ANO3: variants seen among roughly 807,000 people sequenced by gnomAD.
The protein encoded by ANO3 is anoctamin-3.
A neutral mutation model predicts 144.8 loss-of-function variants in ANO3; 99 were observed. The ratio of observed to expected loss-of-function variants is 0.68; its 90% CI spans 0.58 to 0.81. ANO3 has a LOEUF of 0.81. Ranked by LOEUF, ANO3 falls within the 30% of genes least tolerant of loss-of-function variation. ANO3 has a pLI of 0.00. For synonymous variants in ANO3, 414 were observed against 392.6 expected, an observed-to-expected ratio of 1.05 and a Z score of -0.64; for missense variants, 905 against 1,202.2, an observed-to-expected ratio of 0.75 and a Z score of 3.66.
intron 1 of ANO3, among the ~76,000 whole-genome samples, chr11:26,264,271 T>G (rs1365204851): frequency 1.3e-5 from 2 of 152,150 alleles, no homozygotes; most frequent in Non-Finnish European, 2.9e-5. Flanking sequence ...ATTAAATGAG[T>G]CAAATGACTA....
At chr11:26,397,472 G>T (rs569818807) in intron 1 of ANO3, among the ~76,000 whole-genome samples, 35 of 152,014 alleles carry the variant, frequency 2.3e-4, no homozygotes, top group Non-Finnish European at 4.6e-4. Flanking sequence ...AAAGTTGTTT[G>T]TTTCATAAAA....
At chr11:26,533,839 CATAG>C (rs1468502668) in intron 8 of ANO3, among the ~76,000 whole-genome samples, 3 of 152,204 alleles carry the variant, frequency 2.0e-5, no homozygotes, top group Non-Finnish European at 2.9e-5. Context: ...TTATCACTCA[CATAG>C]ATAGAGTAAC....
intron 18 of ANO3, among the ~76,000 whole-genome samples, chr11:26,627,518 T>C (rs1352622450): frequency 6.6e-6 from 1 of 152,066 alleles, no homozygotes; most frequent in Non-Finnish European, 1.5e-5. Flanking sequence ...TTTTCTTCAG[T>C]TGGGTAATGA....
intron 1 of ANO3, among the ~76,000 whole-genome samples, chr11:26,310,225 T>A (rs1854474882): frequency 6.6e-6 from 1 of 152,172 alleles, no homozygotes; most frequent in Non-Finnish European, 1.5e-5. Flanking sequence ...AACCAACCTA[T>A]AATAGATGAA....
chr11:26,299,177 G>T (rs1854160738), intron 1 of ANO3, among the ~76,000 whole-genome samples: 1 of 152,180 alleles, frequency 6.6e-6, no homozygotes, highest in African/African-American at 2.4e-5. Context: ...GAATGACAAA[G>T]GAGGCTGAAA....
At chr11:26,469,908 G>GAATC (rs10641936) in intron 4 of ANO3, among the ~76,000 whole-genome samples, 43 of 151,670 alleles carry the variant, frequency 2.8e-4, no homozygotes, top group African/African-American at 1.0e-3. Context: ...AATGTTTTTT[G>GAATC]AAATTAGAAA....
At chr11:26,508,059 T>C (rs764041704) in intron 4 of ANO3, 45 bp from the exon 5 acceptor site, 1 of 1,535,060 alleles carries the variant, frequency 6.5e-7, no homozygotes, top group Non-Finnish European at 8.7e-7. Flanking sequence ...AAAACATACA[T>C]GCTTGTCTAA....
At chr11:26,441,459 C>A (rs1470271780) in intron 1 of ANO3, among the ~76,000 whole-genome samples, 1 of 152,070 alleles carries the variant, frequency 6.6e-6, no homozygotes, top group African/African-American at 2.4e-5. Context: ...CTCTTTCCAG[C>A]CTCTAAGTCA....
chr11:26,202,590 G>A (rs1851719487), intron 1 of ANO3, among the ~76,000 whole-genome samples: 1 of 151,536 alleles, frequency 6.6e-6, no homozygotes, highest in Admixed American at 6.6e-5. Flanking sequence ...AGTATACAGT[G>A]GAGGGGACAT....
intron 1 of ANO3, among the ~76,000 whole-genome samples, chr11:26,284,799 C>T (rs1279037846): frequency 9.2e-5 from 14 of 151,964 alleles, no homozygotes. Flanking sequence ...CCAGCTACTC[C>T]GGAGGCTGAG....
At chr11:26,269,352 G>A (rs542259953) in intron 1 of ANO3, among the ~76,000 whole-genome samples, 3 of 152,294 alleles carry the variant, frequency 2.0e-5, no homozygotes, top group Admixed American at 6.5e-5. Flanking sequence ...TGGAAGGCAC[G>A]TTTTCTTCAC....
intron 1 of ANO3, among the ~76,000 whole-genome samples, chr11:26,400,373 A>G (rs1857117401): frequency 1.3e-5 from 2 of 152,070 alleles, no homozygotes; most frequent in South Asian, 4.1e-4. Flanking sequence ...ACCATACAAA[A>G]GGAAGTGATC....
Position 26,256,715 on chromosome 11 carries a change from G to A in ANO3, c.155-52930G>A, listed in dbSNP as rs372942384. 3.3e-5 allele frequency among the ~76,000 whole-genome samples: 5 copies of A among 152,154 alleles called. 1 individual carries two copies. Among genetic ancestry groups the A allele is most frequent in the East Asian group, 1.9e-4 (1 of 5,186 alleles). ...CTAACGCCACCATCCCTGTGACAAC[G>A]TACACAATTAAGCTATTTTATTTTT... On this transcript the variant is annotated intron_variant, in intron 1 of 27. Coordinates refer to the ANO3 transcript ENST00000672621.
chr11:26,352,981 A>C (rs1238821481), intron 1 of ANO3, among the ~76,000 whole-genome samples: 1 of 152,208 alleles, frequency 6.6e-6, no homozygotes, highest in Non-Finnish European at 1.5e-5. Context: ...TAACTCAAAA[A>C]TGAGTCATAA....
chr11:26,391,101 C>T (rs1856866477), intron 1 of ANO3, among the ~76,000 whole-genome samples: 2 of 152,132 alleles, frequency 1.3e-5, no homozygotes, highest in Non-Finnish European at 2.9e-5. Context: ...GAGACTGGGA[C>T]ATTTACGAAT....
intron 1 of ANO3, among the ~76,000 whole-genome samples, chr11:26,318,370 A>ACTT (rs1854677744): frequency 6.6e-6 from 1 of 152,200 alleles, no homozygotes; most frequent in Non-Finnish European, 1.5e-5. Context: ...TGCAATTTTA[A>ACTT]CTAAGGTCTT....
Position 26,529,164 on chromosome 11 carries a change from A to T in ANO3, c.738-2041A>T, listed in dbSNP as rs12805071. ...TTATATAATAATATATATTATATAT[A>T]ATATATATTATTAATAATATATATT... On this transcript the variant is annotated intron_variant, in intron 7 of 26. Coordinates refer to ENST00000256737, the MANE Select transcript of ANO3 (RefSeq NM_031418.4). Among the ~76,000 whole-genome samples, 12 of 2,242 alleles carry T rather than the reference A, an allele frequency of 5.4e-3. 3 individuals carry two copies. The highest frequency in any genetic ancestry group is 9.5e-3 in the African/African-American group (12 of 1,264). The allele number at this position is 2,242 out of a possible 152,430, so 1.5% of individuals were successfully genotyped here. A position where few individuals can be genotyped will look rare whatever the true frequency, so the allele number is the denominator to read the frequency against.
intron 1 of ANO3, among the ~76,000 whole-genome samples, chr11:26,421,311 G>A (rs1333176543): frequency 6.6e-6 from 1 of 151,996 alleles, no homozygotes; most frequent in Non-Finnish European, 1.5e-5. Flanking sequence ...GAGCTATAAT[G>A]ATTTTGACAA....
At chr11:26,401,801 C>A (rs1295440111) in intron 1 of ANO3, among the ~76,000 whole-genome samples, 1 of 151,996 alleles carries the variant, frequency 6.6e-6, no homozygotes, top group African/African-American at 2.4e-5. Flanking sequence ...CACTTGAACC[C>A]AGGAGACGGA....
Sources: gnomAD v4.1 joint callset for allele counts (sites outside exome capture counted in the v4.1 genomes callset) on GRCh38, gnomAD v4.1.1 for gene constraint, MANE v1.5 for transcripts, NCBI Gene and HGNC (gene_info 2026-07-23, HGNC 2026-07-21) for gene names.